Variants in EEIG2 observed in about 807,000 individuals in gnomAD.
EEIG2 encodes family with sequence similarity 102 member B.
chr1:108,598,756 A>C, the EEIG2 span, among the ~76,000 whole-genome samples: 1 of 152,218 alleles, frequency 6.6e-6, no homozygotes, highest in Non-Finnish European at 1.5e-5. Context: ...CATATGACAC[A>C]CAAATACATA....
chr1:108,596,412 G>T, the EEIG2 span, among the ~76,000 whole-genome samples: 8 of 152,192 alleles, frequency 5.3e-5, no homozygotes, highest in East Asian at 1.5e-3. Flanking sequence ...GAGAATAAAT[G>T]CATCAGCTTC....
At chr1:108,614,205 T>TAAAAAAA in the EEIG2 span, among the ~76,000 whole-genome samples, 81 of 101,220 alleles carry the variant, frequency 8.0e-4, 1 homozygote, top group Non-Finnish European at 1.4e-3. Flanking sequence ...ACCCCATCTC[T>TAAAAAAA]AAAAAAAAAA....
At chr1:108,632,965 T>TTA in the EEIG2 span, among the ~76,000 whole-genome samples, 12 of 150,048 alleles carry the variant, frequency 8.0e-5, no homozygotes, top group South Asian at 2.1e-3. Context: ...TTTTTTTTTT[T>TTA]ATAGAGACAG....
chr1:108,566,636 T>G, the EEIG2 span, among the ~76,000 whole-genome samples: 15 of 152,212 alleles, frequency 9.9e-5, no homozygotes, highest in East Asian at 2.9e-3. Flanking sequence ...CCTAAGTGTC[T>G]GTAAACAGAT....
the EEIG2 span, among the ~76,000 whole-genome samples, chr1:108,586,053 A>C: frequency 6.6e-6 from 1 of 152,112 alleles, no homozygotes; most frequent in African/African-American, 2.4e-5. Flanking sequence ...ATACTTTCAT[A>C]ATATGTAGCA....
the EEIG2 span, among the ~76,000 whole-genome samples, chr1:108,612,710 G>T: frequency 6.6e-6 from 1 of 152,174 alleles, no homozygotes; most frequent in Non-Finnish European, 1.5e-5. Context: ...CCCACTTCTG[G>T]GCATCTGCCC....
the EEIG2 span, among the ~76,000 whole-genome samples, chr1:108,608,846 G>T: frequency 6.6e-6 from 1 of 152,194 alleles, no homozygotes; most frequent in Non-Finnish European, 1.5e-5. Context: ...CAAGATCAAG[G>T]TGCTGGTGGA....
the EEIG2 span, among the ~76,000 whole-genome samples, chr1:108,633,408 C>T: frequency 6.6e-6 from 1 of 152,208 alleles, no homozygotes; most frequent in Non-Finnish European, 1.5e-5. Flanking sequence ...CCTGCCTCAG[C>T]CCCTGAGTAG....
At chr1:108,631,401 G>T in the EEIG2 span, among the ~76,000 whole-genome samples, 3 of 152,212 alleles carry the variant, frequency 2.0e-5, no homozygotes, top group Non-Finnish European at 4.4e-5. Context: ...GGCCCACAAA[G>T]CCTAAAATAT....
At chr1:108,625,774 C>CTCTCTGTGTG in the EEIG2 span, 1 of 23,220 alleles carries the variant, frequency 4.3e-5, no homozygotes, top group African/African-American at 6.5e-5. Flanking sequence ...CTCTCTCTCT[C>CTCTCTGTGTG]TGTGTGTGTG....
the EEIG2 span, chr1:108,560,378 A>G: frequency 6.8e-7 from 1 of 1,469,984 alleles, no homozygotes; most frequent in Non-Finnish European, 9.0e-7. Flanking sequence ...GGCCAAGCTG[A>G]GGCGGCGGCG....
chr1:108,575,165 A>G, the EEIG2 span, among the ~76,000 whole-genome samples: 1,463 of 152,354 alleles, frequency 9.6e-3, 23 homozygotes, highest in African/African-American at 0.033. Flanking sequence ...ATGAAGATTC[A>G]GTGTTGCTAT....
At chr1:108,583,357 C>G in the EEIG2 span, among the ~76,000 whole-genome samples, 4 of 151,506 alleles carry the variant, frequency 2.6e-5, no homozygotes, top group African/African-American at 9.7e-5. Flanking sequence ...ATTGTCCAGG[C>G]TGGTCTTGAA....
At chr1:108,623,340 T>TA in the EEIG2 span, among the ~76,000 whole-genome samples, 3 of 151,584 alleles carry the variant, frequency 2.0e-5, no homozygotes, top group South Asian at 2.1e-4. Flanking sequence ...CTACTAAATG[T>TA]AAAAAAAAGC....
the EEIG2 span, among the ~76,000 whole-genome samples, chr1:108,561,808 A>T: frequency 6.6e-6 from 1 of 152,250 alleles, no homozygotes; most frequent in Non-Finnish European, 1.5e-5. Flanking sequence ...GAAAAGCCTA[A>T]GCCGATTCGT....
At chr1:108,600,629 T>C in the EEIG2 span, 110 of 1,611,332 alleles carry the variant, frequency 6.8e-5, no homozygotes, top group Admixed American at 1.7e-3. Flanking sequence ...GCAAAATGAG[T>C]GCAAGTGCTG....
At chr1:108,635,636 C>T in the EEIG2 span, 1 of 153,450 alleles carries the variant, frequency 6.5e-6, no homozygotes, top group East Asian at 1.9e-4. Flanking sequence ...TTCCCTATTA[C>T]ACTACCTACA....
chr1:108,638,659 G>C, the EEIG2 span: 1 of 135,632 alleles, frequency 7.4e-6, no homozygotes, highest in Non-Finnish European at 1.6e-5. Context: ...ACCAAGCACT[G>C]TAGTTGAAAT....
At chr1:108,615,629 G>GA in the EEIG2 span, among the ~76,000 whole-genome samples, 1 of 151,734 alleles carries the variant, frequency 6.6e-6, no homozygotes, top group Non-Finnish European at 1.5e-5. Context: ...AAAGAAAAAG[G>GA]AAAGAATTAG....
Sources: gnomAD v4.1 joint callset for allele counts (sites outside exome capture counted in the v4.1 genomes callset) on GRCh38, gnomAD v4.1.1 for gene constraint, MANE v1.5 for transcripts, NCBI Gene and HGNC (gene_info 2026-07-23, HGNC 2026-07-21) for gene names.